Variants in SLC5A9 observed in about 807,000 individuals in gnomAD.
SLC5A9 encodes the protein sodium/glucose cotransporter 4.
Under a neutral mutation model 70.9 loss-of-function variants are expected in SLC5A9, and 59 were observed. That is an observed-to-expected ratio of 0.83 (90% CI 0.68 to 1.03). The LOEUF (loss-of-function observed/expected upper bound fraction) is 1.03. Among genes scored for constraint, SLC5A9 ranks in the 50% least tolerant of loss-of-function variants. SLC5A9 has a pLI of 0.00. For missense variants in SLC5A9, 832 were observed against 881.1 expected (o/e 0.94, Z 0.71); for synonymous variants, 340 against 346.5 (o/e 0.98, Z 0.21).
intron 2 of SLC5A9, chr1:48,228,608 A>G: frequency 1.8e-6 from 1 of 545,264 alleles, no homozygotes; most frequent in South Asian, 2.5e-5. Flanking sequence ...TTCACCATTT[A>G]CTCACTGGGT....
chr1:48,233,575 G>A, intron 8 of SLC5A9, 80 bp from the exon 9 acceptor site: 3 of 1,044,528 alleles, frequency 2.9e-6, no homozygotes, highest in South Asian at 1.3e-5. Flanking sequence ...ACATTATCCT[G>A]TAGTTTTGGA....
chr1:48,229,450 C>A lies in SLC5A9; in HGVS notation c.495C>A (p.Thr165=). The change falls in exon 4 of 14, where the codon ACC becomes ACA. Residue 165 remains threonine, a synonymous_variant. Transcript: ENST00000438567. ...SVLSLILYIF[T]KISTDIFSGA... is the part of the protein sequence containing the mutation. ...TGTCTCTCATCCTCTACATCTTCAC[C>A]AAGATCTCGGTAGGTGTCACTGCAA... The A allele has an allele frequency of 6.2e-7, 1 of 1,614,024 alleles. No homozygotes were observed. The highest frequency in any genetic ancestry group is 1.1e-5 in the South Asian group (1 of 91,054).
chr1:48,231,242 GCAAGT>G (rs1168281720), intron 5 of SLC5A9, among the ~76,000 whole-genome samples: 3 of 152,188 alleles, frequency 2.0e-5, no homozygotes, highest in Non-Finnish European at 1.5e-5. Context: ...TGGCAGAACT[GCAAGT>G]CAAGGAATGG....
chr1:48,224,343 G>A (rs540537997), intron 1 of SLC5A9, among the ~76,000 whole-genome samples: 108 of 152,352 alleles, frequency 7.1e-4, no homozygotes, highest in African/African-American at 2.5e-3. Flanking sequence ...GCAGGGAGGG[G>A]ATCAGCTCAG....
In SLC5A9 at chr1:48,224,883, C is replaced by T. The variant is rs1427802671; in HGVS notation, c.234+88C>T. On this transcript the variant is annotated intron_variant, in intron 2 of 13. Transcript: ENST00000438567. ...TCCAAGCACTTGTCCCATCTTCTCA[C>T]ACCTGGACCAAGGCAAAGACCTCCC... The T allele has an allele frequency of 5.4e-6, 7 of 1,306,508 alleles. No individual in the cohort carries two copies. In the East Asian group the frequency reaches 1.4e-4, roughly 26 times the overall value. The allele number at this position is 1,306,508 out of a possible 1,614,324, so 80.9% of individuals were successfully genotyped here.
intron 11 of SLC5A9, among the ~76,000 whole-genome samples, chr1:48,238,144 A>G (rs1368249499): frequency 6.6e-6 from 1 of 152,202 alleles, no homozygotes; most frequent in East Asian, 1.9e-4. Context: ...GGGAGAGTAA[A>G]GGGCACAAGC....
intron 4 of SLC5A9, 134 bp downstream of exon 4, chr1:48,229,593 C>A: frequency 1.4e-6 from 2 of 1,410,614 alleles, no homozygotes; most frequent in Admixed American, 2.3e-5. Context: ...GACCTATAAA[C>A]ATTTAATGCA....
chr1:48,241,299 A>G (rs1373221395), intron 12 of SLC5A9: 1 of 152,382 alleles, frequency 6.6e-6, no homozygotes, highest in African/African-American at 2.4e-5. Flanking sequence ...ACATAAAGAG[A>G]CACAGTCCAT....
In SLC5A9 at chr1:48,247,994, C is replaced by CTCTA. The variant is rs549513753; in HGVS notation, c.*455_*458dup. ...CTTCCCCTTTCTAGTTCCCCTACCT[C>CTCTA]TCTATCTTTCTATTCTCACCAATAA... is the stretch of plus-strand genomic sequence containing the variant. On this transcript the variant is annotated 3_prime_UTR_variant, in exon 14 of 14. Transcript: ENST00000438567. 615 of 174,066 alleles carry CTCTA rather than the reference C, an allele frequency of 3.5e-3. 6 individuals carry two copies. Among genetic ancestry groups the CTCTA allele is most frequent in the South Asian group, 0.027 (203 of 7,470 alleles). The allele number at this position is 174,066 out of a possible 1,614,324, so 10.8% of individuals were successfully genotyped here. A position where few individuals can be genotyped will look rare whatever the true frequency, so the allele number is the denominator to read the frequency against.
rs757142532 is a variant in SLC5A9, at chr1:48,227,591, CTGTG to C, written c.235-1252_235-1249del. Among the ~76,000 whole-genome samples, 183 of 133,420 alleles carry C rather than the reference CTGTG, an allele frequency of 1.4e-3. 1 individual carries two copies. The highest frequency in any genetic ancestry group is 2.2e-3 in the Non-Finnish European group (139 of 62,240). The allele number at this position is 133,420 out of a possible 152,430, so 87.5% of individuals were successfully genotyped here. A position where few individuals can be genotyped will look rare whatever the true frequency, so the allele number is the denominator to read the frequency against. ...CAGAGTGTGTGTGTGTGTACTGTGC[CTGTG>C]TGTGTGATTGCATCTGTGTGTGCAT... On this transcript the variant is annotated intron_variant, in intron 2 of 13. Coordinates refer to ENST00000438567, the MANE Select transcript of SLC5A9 (RefSeq NM_001011547.3).
chr1:48,232,543 CT>C, intron 8 of SLC5A9, 41 bp downstream of exon 8: 1 of 1,609,598 alleles, frequency 6.2e-7, no homozygotes, highest in Non-Finnish European at 8.5e-7. Flanking sequence ...GGATCTGAGG[CT>C]TTCAAGGAGT....
chr1:48,224,847 C>T (rs1644122042), intron 2 of SLC5A9, 52 bp downstream of exon 2: 2 of 1,521,246 alleles, frequency 1.3e-6, no homozygotes, highest in East Asian at 2.3e-5. Flanking sequence ...CAACTTTCTT[C>T]CTCCCCACTA....
Position 48,244,878 on chromosome 1 carries a change from G to GTATGTATATATA in SLC5A9, c.1837+2265_1837+2266insGTATATATATAT, listed in dbSNP as rs1553132215. Among the ~76,000 whole-genome samples the GTATGTATATATA allele has an allele frequency of 6.1e-4, 18 of 29,402 alleles. 2 individuals are homozygous for GTATGTATATATA. The highest frequency in any genetic ancestry group is 1.4e-3 in the African/African-American group (17 of 11,882). The allele number at this position is 29,402 out of a possible 152,430, so 19.3% of individuals were successfully genotyped here. A position where few individuals can be genotyped will look rare whatever the true frequency, so the allele number is the denominator to read the frequency against. ...TGTGTGTGTGTATGTATGTGTATGT[G>GTATGTATATATA]TATATATATATATATATATATATAT... On this transcript the variant is annotated intron_variant, in intron 13 of 13. Transcript: ENST00000438567.
At chr1:48,236,992 C>T (rs117480601) in intron 10 of SLC5A9, among the ~76,000 whole-genome samples, 2 of 152,280 alleles carry the variant, frequency 1.3e-5, no homozygotes, top group East Asian at 3.9e-4. Flanking sequence ...CTTATCTGTG[C>T]ATATGAACTG....
At chr1:48,246,239 C>T (rs1030718421) in intron 13 of SLC5A9, among the ~76,000 whole-genome samples, 6 of 152,140 alleles carry the variant, frequency 3.9e-5, no homozygotes, top group South Asian at 2.1e-4. Context: ...CTAGTACAAA[C>T]GAAATGCTGA....
intron 10 of SLC5A9, among the ~76,000 whole-genome samples, chr1:48,236,507 C>T (rs1440352004): frequency 6.6e-6 from 1 of 152,164 alleles, no homozygotes; most frequent in African/African-American, 2.4e-5. Flanking sequence ...CAGTTTTATG[C>T]TTTTAAAAGC....
At position 48,237,745 on chromosome 1, in the gene SLC5A9, T is replaced by G; in HGVS notation, c.1359T>G (p.Ser453Arg). 6.2e-7 allele frequency: 1 copy of G among 1,614,058 alleles called. No individual in the cohort carries two copies. The highest frequency in any genetic ancestry group is 8.5e-7 in the Non-Finnish European group (1 of 1,180,006). ...TCCCCATCATCCAAAGCTCCAACAG[T>G]GGGCAGCTCTTCGACTACATCCAGG... ...LWIPIIQSSN[S>R]GQLFDYIQAV... Residue 453 changes from serine to arginine, a missense_variant, in exon 11 of 14, where the codon AGT becomes AGG. Ser to Arg is a moderately radical substitution (Grantham distance 110, BLOSUM62 -1). Coordinates refer to ENST00000438567, the MANE Select transcript of SLC5A9 (RefSeq NM_001011547.3).
chr1:48,232,017 C>A lies in SLC5A9; in HGVS notation c.763C>A (p.Pro255Thr). The change falls in exon 7 of 14, where the codon CCC becomes ACC. Residue 255 changes from proline (P) to threonine (T), a missense_variant. Transcript: ENST00000438567. Reference sequence around the variant, plus strand: ...GCAGGCCATCCCTAATGTCACAGTCCCCAACACCACCTGTCACCTCCCACG... The same window carrying A: ...GCAGGCCATCCCTAATGTCACAGTCACCAACACCACCTGTCACCTCCCACG... ...YRQAIPNVTV[P>T]NTTCHLPRPD... 1 of 1,614,156 alleles carries A rather than the reference C, an allele frequency of 6.2e-7. No homozygotes were observed. The highest frequency in any genetic ancestry group is 8.5e-7 in the Non-Finnish European group (1 of 1,180,030).
At chr1:48,240,690 G>A (rs755989238) in intron 12 of SLC5A9, among the ~76,000 whole-genome samples, 13 of 151,948 alleles carry the variant, frequency 8.6e-5, no homozygotes, top group African/African-American at 2.7e-4. Flanking sequence ...TCTTCTTCCC[G>A]AAGTCTTCCC....
Sources: gnomAD v4.1 joint callset for allele counts (sites outside exome capture counted in the v4.1 genomes callset) on GRCh38, gnomAD v4.1.1 for gene constraint, MANE v1.5 for transcripts, NCBI Gene and HGNC (gene_info 2026-07-23, HGNC 2026-07-21) for gene names.